The following HS3ST3B1 variants were observed in gnomAD, a reference collection of about 807,000 sequenced individuals.
The protein encoded by HS3ST3B1 is heparan sulfate-glucosamine 3-sulfotransferase 3B1.
In HS3ST3B1, 13 loss-of-function variants were observed where a neutral mutation model predicts 21.3. The ratio of observed to expected loss-of-function variants is 0.61; its 90% CI spans 0.40 to 0.97. The LOEUF is 0.97. Ranked by LOEUF, HS3ST3B1 falls within the 50% of genes least tolerant of loss-of-function variation. The probability of loss-of-function intolerance (pLI) is 0.00; values close to 1 mark genes in which losing one functional copy is unlikely to be tolerated. For synonymous variants in HS3ST3B1, 234 were observed against 254.8 expected, an observed-to-expected ratio of 0.92 and a Z score of 0.78; for missense variants, 459 against 554.8, an observed-to-expected ratio of 0.83 and a Z score of 1.73.
At chr17:14,319,552 A>C (rs1909594618) in intron 1 of HS3ST3B1, among the ~76,000 whole-genome samples, 1 of 152,206 alleles carries the variant, frequency 6.6e-6, no homozygotes, top group Non-Finnish European at 1.5e-5. Flanking sequence ...ACTCTGTATC[A>C]GGCTCTGGGA....
chr17:14,302,005 G>C lies in HS3ST3B1; in HGVS notation c.487G>C (p.Val163Leu), dbSNP rs745530522. 1.2e-6 allele frequency: 2 copies of C among 1,609,312 alleles called. No individual in the cohort carries two copies. The highest frequency in any genetic ancestry group is 1.7e-6 in the Non-Finnish European group (2 of 1,179,138). ...LLEFLRVHPD[V>L]RAVGAEPHFF... ...GGAGTTTCTGCGCGTGCACCCCGAC[G>C]TGCGCGCCGTGGGCGCCGAGCCCCA... is the stretch of plus-strand genomic sequence containing the variant. The change falls in exon 1 of 2, where the codon GTG (valine) becomes CTG (leucine). Residue 163 changes from valine (V) to leucine (L), a missense_variant. Val to Leu is a conservative substitution (Grantham distance 32). Around this residue, in one of 3 missense-constraint regions of HS3ST3B1, gnomAD observed 317 missense variants for 278.6 expected, o/e 1.14. Coordinates refer to ENST00000360954, the MANE Select transcript of HS3ST3B1 (RefSeq NM_006041.3).
In HS3ST3B1 at chr17:14,301,436, G is replaced by C. The variant is rs1004259575; in HGVS notation, c.-83G>C. 1.6e-6 allele frequency: 2 copies of C among 1,253,190 alleles called. No individual in the cohort carries two copies. The highest frequency in any genetic ancestry group is 3.8e-5 in the Admixed American group (1 of 26,042). 77.6% of individuals were successfully genotyped at this position (1,253,190 alleles called of 1,614,324 possible). A position where few individuals can be genotyped will look rare whatever the true frequency, so the allele number is the denominator to read the frequency against. On this transcript the variant is annotated 5_prime_UTR_variant, in exon 1 of 2. Coordinates refer to ENST00000360954, the MANE Select transcript of HS3ST3B1 (RefSeq NM_006041.3). ...GAGCCACCCGGGCGTCCAGCGTGCCGGGGAACCCTCTCTGCGCTCACTGCC... is the reference window on the plus strand; with the variant it reads ...GAGCCACCCGGGCGTCCAGCGTGCCCGGGAACCCTCTCTGCGCTCACTGCC...
intron 1 of HS3ST3B1, chr17:14,329,162 T>C (rs539491344): frequency 2.6e-5 from 4 of 152,216 alleles, no homozygotes; most frequent in African/African-American, 9.6e-5. Flanking sequence ...ACTCAGGAGA[T>C]AGGGAAGGTC....
chr17:14,319,489 T>C (rs186722771), intron 1 of HS3ST3B1, among the ~76,000 whole-genome samples: 122 of 152,290 alleles, frequency 8.0e-4, no homozygotes, highest in Non-Finnish European at 9.8e-4. Context: ...TGTCCACTGA[T>C]TTTCGTTTCG....
intron 1 of HS3ST3B1, chr17:14,327,782 G>A (rs1036147572): frequency 4.5e-4 from 68 of 152,130 alleles, no homozygotes; most frequent in African/African-American, 1.5e-3. Context: ...ATTTTCAAGT[G>A]CTTGCGATGC....
At position 14,349,143 on chromosome 17, in the gene HS3ST3B1, A is replaced by G. The variant is rs1910655588; in HGVS notation, c.*3497A>G. 1 of 152,240 alleles carries G rather than the reference A, an allele frequency of 6.6e-6. No homozygotes were observed. Among genetic ancestry groups the G allele is most frequent in the African/African-American group, 2.4e-5 (1 of 41,464 alleles). The allele number at this position is 152,240 out of a possible 1,614,324, so 9.4% of individuals were successfully genotyped here. ...GCCAATAAAACTTAAAGGTGTGGTTAGATGTTTTCTCACTTTTGTGACATT... is the reference window on the plus strand; with the variant it reads ...GCCAATAAAACTTAAAGGTGTGGTTGGATGTTTTCTCACTTTTGTGACATT... On this transcript the variant is annotated 3_prime_UTR_variant, in exon 2 of 2. Transcript: ENST00000360954.
intron 1 of HS3ST3B1, among the ~76,000 whole-genome samples, chr17:14,311,120 T>C (rs915240308): frequency 2.0e-5 from 3 of 151,650 alleles, no homozygotes; most frequent in Non-Finnish European, 4.4e-5. Context: ...GGTCTTGCTC[T>C]GTCACCTAGG....
intron 1 of HS3ST3B1, among the ~76,000 whole-genome samples, chr17:14,312,165 C>A (rs1051689823): frequency 6.6e-6 from 1 of 152,064 alleles, no homozygotes; most frequent in Admixed American, 6.5e-5. Flanking sequence ...GTGGGCCAGG[C>A]GCTTACTTAA....
At chr17:14,342,286 C>T (rs770299618) in intron 1 of HS3ST3B1, among the ~76,000 whole-genome samples, 6 of 151,974 alleles carry the variant, frequency 3.9e-5, no homozygotes, top group African/African-American at 7.3e-5. Context: ...AGGCAGGAAT[C>T]AGTTGGAAAT....
chr17:14,340,132 G>A (rs944293259), intron 1 of HS3ST3B1, among the ~76,000 whole-genome samples: 5 of 152,116 alleles, frequency 3.3e-5, no homozygotes, highest in Admixed American at 6.6e-5. Context: ...GGGTCACAAA[G>A]GTTCTTTGCT....
intron 1 of HS3ST3B1, among the ~76,000 whole-genome samples, chr17:14,334,979 T>C (rs1910145371): frequency 6.6e-6 from 1 of 152,026 alleles, no homozygotes; most frequent in Non-Finnish European, 1.5e-5. Context: ...AGGGGGGAAA[T>C]CTTGTAAAGA....
At chr17:14,309,434 G>C (rs1019185284) in intron 1 of HS3ST3B1, among the ~76,000 whole-genome samples, 2 of 152,208 alleles carry the variant, frequency 1.3e-5, no homozygotes, top group Non-Finnish European at 2.9e-5. Flanking sequence ...AGCGGCCCGC[G>C]CTAGAGGTGG....
chr17:14,341,260 G>A (rs563478823), intron 1 of HS3ST3B1, among the ~76,000 whole-genome samples: 4 of 152,342 alleles, frequency 2.6e-5, no homozygotes, highest in South Asian at 4.1e-4. Flanking sequence ...TTCAGGGAAG[G>A]TTGTGGACCC....
intron 1 of HS3ST3B1, among the ~76,000 whole-genome samples, chr17:14,339,636 C>T (rs1014573504): frequency 5.9e-5 from 9 of 152,148 alleles, no homozygotes; most frequent in Non-Finnish European, 1.0e-4. Flanking sequence ...ACCACAAAGG[C>T]GTTAAAGTAG....
At position 14,345,791 on chromosome 17, in the gene HS3ST3B1, T is replaced by C; in HGVS notation, c.*145T>C. The C allele has an allele frequency of 9.7e-7, 1 of 1,028,408 alleles. No homozygotes were observed. Among genetic ancestry groups the C allele is most frequent in the Non-Finnish European group, 1.4e-6 (1 of 730,236 alleles). The allele number at this position is 1,028,408 out of a possible 1,614,324, so 63.7% of individuals were successfully genotyped here. ...CACTAAGCTGCCTAGCCACACTCTT[T>C]AGAGAGTTAGCTTCATAATCTGTTA... On this transcript the variant is annotated 3_prime_UTR_variant, in exon 2 of 2. Coordinates refer to ENST00000360954, the MANE Select transcript of HS3ST3B1 (RefSeq NM_006041.3).
At chr17:14,327,669 C>T (rs1909859551) in intron 1 of HS3ST3B1, 1 of 152,166 alleles carries the variant, frequency 6.6e-6, no homozygotes, top group South Asian at 2.1e-4. Flanking sequence ...TGATTCACCC[C>T]TGAGTTTCTT....
In HS3ST3B1 at chr17:14,347,353, A is replaced by G. The variant is rs138002454; in HGVS notation, c.*1707A>G. ...CAATTGAGTAGCCATATAGTAATAC[A>G]GGGGCAGTTGGTTAAACATATAGCA... On this transcript the variant is annotated 3_prime_UTR_variant, in exon 2 of 2. Coordinates refer to ENST00000360954, the MANE Select transcript of HS3ST3B1 (RefSeq NM_006041.3). 6.0e-4 allele frequency: 92 copies of G among 152,332 alleles called. 1 individual carries two copies. The highest frequency in any genetic ancestry group is 2.1e-3 in the African/African-American group (87 of 41,578). The allele number at this position is 152,332 out of a possible 1,614,324, so 9.4% of individuals were successfully genotyped here. A position where few individuals can be genotyped will look rare whatever the true frequency, so the allele number is the denominator to read the frequency against.
At chr17:14,340,811 G>C (rs1910354477) in intron 1 of HS3ST3B1, among the ~76,000 whole-genome samples, 1 of 152,118 alleles carries the variant, frequency 6.6e-6, no homozygotes, top group Non-Finnish European at 1.5e-5. Context: ...TTGAACTCCT[G>C]ACCTCAAGTG....
chr17:14,339,301 T>C (rs181859196), intron 1 of HS3ST3B1, among the ~76,000 whole-genome samples: 109 of 152,238 alleles, frequency 7.2e-4, no homozygotes, highest in African/African-American at 2.5e-3. Flanking sequence ...TGTTTCGAAA[T>C]TGGACGCCTA....
Sources: gnomAD v4.1 joint callset for allele counts (sites outside exome capture counted in the v4.1 genomes callset) on GRCh38, gnomAD v4.1.1 for gene constraint, gnomAD v4.1.1 regional missense constraint, MANE v1.5 for transcripts, NCBI Gene and HGNC (gene_info 2026-07-23, HGNC 2026-07-21) for gene names.